ACOXL: variants seen among roughly 807,000 people sequenced by gnomAD.
The protein encoded by ACOXL is acyl-coenzyme A oxidase-like protein.
ACOXL carries 70 observed loss-of-function variants against 71.9 expected under a neutral mutation model. The ratio of observed to expected loss-of-function variants is 0.97; its 90% CI spans 0.80 to 1.19. The LOEUF (loss-of-function observed/expected upper bound fraction) is 1.19, where lower values mean the gene tolerates loss of function less well. ACOXL is among the 50% of genes most tolerant of loss of function. ACOXL has a pLI of 0.00. For missense variants in ACOXL, 703 were observed against 736.3 expected (o/e 0.95, Z 0.52); for synonymous variants, 253 against 281.6 (o/e 0.90, Z 1.02).
At chr2:110,788,220 A>G (rs1684227961) in intron 3 of ACOXL, among the ~76,000 whole-genome samples, 1 of 152,252 alleles carries the variant, frequency 6.6e-6, no homozygotes, top group African/African-American at 2.4e-5. Context: ...ACAATAGCTA[A>G]AAGCTGGAAA....
chr2:110,754,622 A>G (rs542395754), intron 1 of ACOXL, among the ~76,000 whole-genome samples: 72 of 152,362 alleles, frequency 4.7e-4, no homozygotes, highest in African/African-American at 1.7e-3. Flanking sequence ...ACAATGCCCT[A>G]TCCAAGTTAT....
intron 12 of ACOXL, among the ~76,000 whole-genome samples, chr2:110,943,273 GGAAA>G (rs200903363): frequency 0.013 from 1,895 of 145,442 alleles, 42 homozygotes; most frequent in African/African-American, 0.042. Flanking sequence ...AGGGAGGGAG[GGAAA>G]GAAAGAAGGA....
At chr2:110,999,560 C>T (rs1025054871) in intron 14 of ACOXL, among the ~76,000 whole-genome samples, 3 of 152,118 alleles carry the variant, frequency 2.0e-5, no homozygotes, top group African/African-American at 7.2e-5. Context: ...TAGTCACAGC[C>T]TTGAGTGTCT....
At chr2:110,907,773 G>T (rs1299891956) in intron 10 of ACOXL, among the ~76,000 whole-genome samples, 1 of 152,142 alleles carries the variant, frequency 6.6e-6, no homozygotes, top group African/African-American at 2.4e-5. Flanking sequence ...AAAAGATTAT[G>T]ATGCCCTTCT....
chr2:110,870,151 G>T (rs1043363458), intron 10 of ACOXL, among the ~76,000 whole-genome samples: 1 of 152,186 alleles, frequency 6.6e-6, no homozygotes, highest in African/African-American at 2.4e-5. Flanking sequence ...TGCTCCACAG[G>T]GTGTTTCCCA....
intron 10 of ACOXL, among the ~76,000 whole-genome samples, chr2:110,904,647 A>G (rs2059371061): frequency 6.6e-6 from 1 of 152,240 alleles, no homozygotes; most frequent in African/African-American, 2.4e-5. Flanking sequence ...TCCCAAGAGA[A>G]GGGGCACGCC....
chr2:110,781,256 C>T (rs1683287363), intron 2 of ACOXL, among the ~76,000 whole-genome samples: 1 of 152,062 alleles, frequency 6.6e-6, no homozygotes, highest in African/African-American at 2.4e-5. Context: ...GCTCATGGTG[C>T]CTGATATTTG....
intron 1 of ACOXL, among the ~76,000 whole-genome samples, chr2:110,740,422 A>G (rs1227198905): frequency 6.6e-6 from 1 of 152,128 alleles, no homozygotes; most frequent in Non-Finnish European, 1.5e-5. Context: ...GGCTCCCAGG[A>G]GCTTCTGCAG....
At chr2:110,820,161 G>A (rs1375581392) in intron 9 of ACOXL, among the ~76,000 whole-genome samples, 1 of 152,142 alleles carries the variant, frequency 6.6e-6, no homozygotes, top group Non-Finnish European at 1.5e-5. Context: ...CATAGCCTGT[G>A]CCTGGTGCTG....
intron 10 of ACOXL, among the ~76,000 whole-genome samples, chr2:110,873,130 G>A (rs555361674): frequency 6.6e-6 from 1 of 152,328 alleles, no homozygotes; most frequent in East Asian, 1.9e-4. Context: ...CCTGAAGAGG[G>A]TGACAAAACT....
intron 16 of ACOXL, among the ~76,000 whole-genome samples, chr2:111,080,336 G>C (rs1392628361): frequency 6.6e-6 from 1 of 152,108 alleles, no homozygotes; most frequent in Admixed American, 6.6e-5. Context: ...GATCTTTCCT[G>C]CTTCCTCCTG....
chr2:110,771,839 C>T lies in ACOXL; in HGVS notation c.75+3375C>T, dbSNP rs571800808. Among the ~76,000 whole-genome samples the T allele has an allele frequency of 2.4e-4, 36 of 152,354 alleles. No homozygotes were observed. In the South Asian group the frequency reaches 7.5e-3, roughly 32 times the overall value. On this transcript the variant is annotated intron_variant, in intron 2 of 17. Coordinates refer to ENST00000439055, the MANE Select transcript of ACOXL (RefSeq NM_001142807.4). ...GATCCTGGGCTGGGGGAGTCACCAACTGCCTCTATTTCCAGATGCAGAGAC... is the reference window on the plus strand; with the variant it reads ...GATCCTGGGCTGGGGGAGTCACCAATTGCCTCTATTTCCAGATGCAGAGAC...
rs80308783 is a variant in ACOXL at position 111,069,409 on chromosome 2, T to C, written c.1440+20121T>C. 4.5e-3 allele frequency among the ~76,000 whole-genome samples: 680 copies of C among 152,228 alleles called. 11 individuals are homozygous for C. The East Asian group carries it at 0.047, about 11-fold the overall frequency. On this transcript the variant is annotated intron_variant, in intron 16 of 17. Coordinates refer to ENST00000439055, the MANE Select transcript of ACOXL (RefSeq NM_001142807.4). ...TCAGGTGATCTTCCTGCCTCAGCCT[T>C]CCAAAGTGCTGGGATTACAGGCATG... is the stretch of plus-strand genomic sequence containing the variant.
rs116489372 is a variant in ACOXL at position 110,864,795 on chromosome 2, A to C, written c.788+23390A>C. On this transcript the variant is annotated intron_variant, in intron 10 of 17. Coordinates refer to ENST00000439055, the MANE Select transcript of ACOXL (RefSeq NM_001142807.4). Reference sequence around the variant, plus strand: ...TGGCCCTGTGCCTTGTGAATAATCCAGCTCACCCCATTGGATCTCTGAGGT... The same window carrying C: ...TGGCCCTGTGCCTTGTGAATAATCCCGCTCACCCCATTGGATCTCTGAGGT... Among the ~76,000 whole-genome samples the C allele has an allele frequency of 9.1e-3, 1,383 of 152,322 alleles. 10 individuals are homozygous for C. Among genetic ancestry groups the C allele is most frequent in the Middle Eastern group, 0.051 (15 of 292 alleles).
chr2:111,090,066 G>A (rs1403125752), intron 16 of ACOXL, among the ~76,000 whole-genome samples: 1 of 152,156 alleles, frequency 6.6e-6, no homozygotes, highest in Non-Finnish European at 1.5e-5. Flanking sequence ...AAAGGCTATT[G>A]TCTGGAAGCT....
intron 12 of ACOXL, among the ~76,000 whole-genome samples, chr2:110,974,376 T>G (rs1227729812): frequency 6.6e-6 from 1 of 152,244 alleles, no homozygotes; most frequent in Non-Finnish European, 1.5e-5. Flanking sequence ...TTTACATGTT[T>G]CCCTTTAAGC....
In ACOXL at chr2:110,931,678, A is replaced by C. The variant is rs373816993; in HGVS notation, c.906-1811A>C. Among the ~76,000 whole-genome samples, 4 of 152,344 alleles carry C rather than the reference A, an allele frequency of 2.6e-5. No individual in the cohort carries two copies. In the East Asian group the frequency reaches 7.7e-4, roughly 29 times the overall value. On this transcript the variant is annotated intron_variant, in intron 11 of 17. Coordinates refer to ENST00000439055, the MANE Select transcript of ACOXL (RefSeq NM_001142807.4). ...TTCCCAACAACTCTATGAAATAGGA[A>C]ATTATATCTCCATTTTACAGATGCA...
intron 13 of ACOXL, among the ~76,000 whole-genome samples, chr2:110,993,651 G>A (rs1026036666): frequency 2.0e-5 from 3 of 152,176 alleles, no homozygotes; most frequent in African/African-American, 7.2e-5. Context: ...ATTAGTAGGA[G>A]TGAAACTGCT....
chr2:110,808,668 G>T (rs1186730880), intron 9 of ACOXL, among the ~76,000 whole-genome samples: 1 of 152,182 alleles, frequency 6.6e-6, no homozygotes, highest in East Asian at 1.9e-4. Context: ...TCCAGCTGGG[G>T]ATGCCCCCCT....
Sources: allele counts gnomAD v4.1 joint callset (sites outside exome capture counted in the v4.1 genomes callset), GRCh38; gene constraint gnomAD v4.1.1; transcripts MANE v1.5; gene names NCBI Gene and HGNC (gene_info 2026-07-23, HGNC 2026-07-21).